The following SMG6 variants were observed in gnomAD, a reference collection of about 807,000 sequenced individuals.
SMG6 encodes telomerase-binding protein EST1A.
SMG6 carries 66 observed loss-of-function variants against 142.2 expected under a neutral mutation model. That is an observed-to-expected ratio of 0.46 (90% CI 0.38 to 0.57). The LOEUF (loss-of-function observed/expected upper bound fraction) is 0.57, where lower values mean the gene tolerates loss of function less well. Ranked by LOEUF, SMG6 falls within the 20% of genes least tolerant of loss-of-function variation. The pLI, the probability that SMG6 is intolerant of heterozygous loss-of-function variation, is 0.00. For synonymous variants in SMG6, 779 were observed against 702.4 expected, an observed-to-expected ratio of 1.11 and a Z score of -1.72; for missense variants, 1,793 against 1,832.0, an observed-to-expected ratio of 0.98 and a Z score of 0.39.
chr17:2,172,945 C>T (rs2071550564), intron 12 of SMG6, 86 bp from the exon 13 acceptor site: 1 of 1,297,762 alleles, frequency 7.7e-7, no homozygotes, highest in Non-Finnish European at 1.1e-6. Flanking sequence ...CAGGGAAGTA[C>T]TTGCAGCAAA....
intron 13 of SMG6, among the ~76,000 whole-genome samples, chr17:2,121,951 A>C (rs1007029631): frequency 1.3e-5 from 2 of 152,056 alleles, no homozygotes; most frequent in Admixed American, 6.6e-5. Context: ...CTCATGCTTC[A>C]GCTTCCTGAA....
At chr17:2,181,523 C>T (rs893795149) in intron 12 of SMG6, among the ~76,000 whole-genome samples, 2 of 152,196 alleles carry the variant, frequency 1.3e-5, no homozygotes, top group African/African-American at 2.4e-5. Context: ...CTCTCTAGCC[C>T]GGACTGGCTT....
intron 13 of SMG6, among the ~76,000 whole-genome samples, chr17:2,169,359 A>T (rs183943294): frequency 1.4e-4 from 21 of 152,186 alleles, no homozygotes; most frequent in Admixed American, 1.3e-3. Flanking sequence ...AGGCTTATTT[A>T]GAGAACTTAA....
chr17:2,303,557 C>T, intron 1 of SMG6, 76 bp downstream of exon 1: 1 of 1,346,506 alleles, frequency 7.4e-7, no homozygotes, highest in Non-Finnish European at 9.5e-7. Flanking sequence ...GAGGGCCGAG[C>T]GGGGAGGAGG....
At chr17:2,167,061 C>T (rs973096881) in intron 13 of SMG6, among the ~76,000 whole-genome samples, 1 of 125,402 alleles carries the variant, frequency 8.0e-6, no homozygotes, top group Non-Finnish European at 1.6e-5. Context: ...ACTTGGGAGG[C>T]AGAGGGGGTG....
rs1174937495 is a variant in SMG6, at chr17:2,127,440, A to G, written c.3358-41539T>C. ...AGACACTTTATTAGATCCACAGGTG[A>G]TAAAATCCCAGAGCTACTGTTAGGC... On this transcript the variant is annotated intron_variant, in intron 13 of 18. Transcript: ENST00000263073. The G allele has an allele frequency of 3.6e-6, 3 of 830,992 alleles. No individual in the cohort carries two copies. In the African/African-American group the frequency reaches 5.1e-5, roughly 14 times the overall value. 51.5% of individuals were successfully genotyped at this position (830,992 alleles called of 1,614,324 possible).
chr17:2,081,980 G>A (rs752934255), intron 14 of SMG6, 24 bp from the exon 15 acceptor site: 5 of 1,613,490 alleles, frequency 3.1e-6, no homozygotes, highest in South Asian at 2.2e-5. Context: ...AGCCGACCAG[G>A]ACAAAGAGGA....
chr17:2,206,161 C>T (rs540968215), intron 10 of SMG6, among the ~76,000 whole-genome samples: 8 of 151,944 alleles, frequency 5.3e-5, no homozygotes, highest in South Asian at 2.1e-4. Flanking sequence ...TTAAAAGATA[C>T]CCCAAAAATA....
intron 10 of SMG6, 47 bp from the exon 11 acceptor site, chr17:2,188,562 G>A: frequency 5.3e-6 from 8 of 1,520,776 alleles, no homozygotes; most frequent in Non-Finnish European, 7.3e-6. Flanking sequence ...CGGACAAGAT[G>A]CACATCACTG....
intron 9 of SMG6, 93 bp from the exon 10 acceptor site, chr17:2,236,730 CACACACACACACA>C: frequency 1.5e-6 from 2 of 1,370,680 alleles, no homozygotes; most frequent in Middle Eastern, 2.8e-4. Flanking sequence ...CACACACACA[CACACACACACACA>C]CACACACACC....
intron 15 of SMG6, among the ~76,000 whole-genome samples, chr17:2,069,406 G>C (rs546251366): frequency 2.3e-4 from 35 of 150,866 alleles, no homozygotes; most frequent in Non-Finnish European, 4.3e-4. Flanking sequence ...TATACCCTGG[G>C]CAACATGCTG....
At chr17:2,106,089 G>C (rs755668328) in intron 13 of SMG6, among the ~76,000 whole-genome samples, 20 of 152,160 alleles carry the variant, frequency 1.3e-4, no homozygotes, top group Non-Finnish European at 2.8e-4. Flanking sequence ...GTATGAAGGA[G>C]GAGAAGAGAG....
intron 15 of SMG6, among the ~76,000 whole-genome samples, chr17:2,069,531 G>C (rs919385285): frequency 2.0e-5 from 3 of 151,374 alleles, no homozygotes; most frequent in Admixed American, 1.3e-4. Context: ...TGGAGGCGGA[G>C]GCTGCAGCGA....
At chr17:2,288,493 G>A (rs959415245) in intron 6 of SMG6, among the ~76,000 whole-genome samples, 41 of 148,512 alleles carry the variant, frequency 2.8e-4, no homozygotes, top group African/African-American at 1.0e-3. Context: ...GGGGTGGCAT[G>A]CGCCTGTGGT....
chr17:2,252,161 C>T (rs759001427), intron 8 of SMG6, among the ~76,000 whole-genome samples: 26 of 152,118 alleles, frequency 1.7e-4, no homozygotes, highest in Non-Finnish European at 2.9e-4. Flanking sequence ...CGCCTGTAAT[C>T]CCAGCACTTT....
chr17:2,153,997 TG>T (rs1340191665), intron 13 of SMG6, among the ~76,000 whole-genome samples: 39 of 104,420 alleles, frequency 3.7e-4, no homozygotes, highest in Middle Eastern at 8.9e-3. Context: ...TGACGGTGAC[TG>T]GGGAAACCTG....
At chr17:2,115,756 C>T (rs2069485581) in intron 13 of SMG6, among the ~76,000 whole-genome samples, 1 of 152,200 alleles carries the variant, frequency 6.6e-6, no homozygotes, top group Admixed American at 6.5e-5. Context: ...CAGGTTTTTG[C>T]TCTGTCCCCT....
At chr17:2,282,582 T>A (rs1464622456) in intron 8 of SMG6, 65 bp downstream of exon 8, 28 of 1,521,062 alleles carry the variant, frequency 1.8e-5, no homozygotes, top group African/African-American at 1.4e-5. Context: ...CTCACAGCTG[T>A]ATGAACCAGG....
At chr17:2,287,032 C>T (rs905993621) in intron 6 of SMG6, among the ~76,000 whole-genome samples, 4 of 148,862 alleles carry the variant, frequency 2.7e-5, no homozygotes, top group African/African-American at 9.9e-5. Flanking sequence ...CTCGGGTTCA[C>T]GCCATTCTCC....
Sources: gnomAD v4.1 joint callset for allele counts (sites outside exome capture counted in the v4.1 genomes callset) on GRCh38, gnomAD v4.1.1 for gene constraint, MANE v1.5 for transcripts, NCBI Gene and HGNC (gene_info 2026-07-23, HGNC 2026-07-21) for gene names.